STXBP4: variants seen among roughly 807,000 people sequenced by gnomAD.
STXBP4 encodes syntaxin binding protein 4.
Under a neutral mutation model 76.1 loss-of-function variants are expected in STXBP4, and 55 were observed. That is an observed-to-expected ratio of 0.72 (90% CI 0.58 to 0.91). The LOEUF is 0.91. Ranked by LOEUF, STXBP4 falls within the 40% of genes least tolerant of loss-of-function variation. STXBP4 has a pLI of 0.00. For missense variants in STXBP4, 618 were observed against 636.9 expected (o/e 0.97, Z 0.32); for synonymous variants, 201 against 220.2 (o/e 0.91, Z 0.77).
rs147766125 is a variant in STXBP4, at chr17:55,003,050, T to G, written c.574+2167T>G. On this transcript the variant is annotated intron_variant, in intron 7 of 17. Coordinates refer to ENST00000376352, the MANE Select transcript of STXBP4 (RefSeq NM_178509.6). Reference sequence around the variant, plus strand: ...GGAATCTGTCACAATATGCAGAAATTAAGAAAAATTTCTTGGCAAAAGTCA... The same window carrying G: ...GGAATCTGTCACAATATGCAGAAATGAAGAAAAATTTCTTGGCAAAAGTCA... Among the ~76,000 whole-genome samples, 753 of 152,294 alleles carry G rather than the reference T, an allele frequency of 4.9e-3. 6 individuals carry two copies. The highest frequency in any genetic ancestry group is 6.3e-3 in the Non-Finnish European group (431 of 68,018).
In STXBP4 at chr17:55,161,984, A is replaced by G. The variant is rs149294003; in HGVS notation, c.*2073A>G. On this transcript the variant is annotated 3_prime_UTR_variant, in exon 18 of 18. Coordinates refer to ENST00000376352, the MANE Select transcript of STXBP4 (RefSeq NM_178509.6). ...ATTGTCTATGGGTACATTTTATAAA[A>G]AGGCAGATTCTAGTTCAGTGTCATA... The G allele has an allele frequency of 3.9e-5, 6 of 152,320 alleles. No individual in the cohort carries two copies. The highest frequency in any genetic ancestry group is 1.2e-4 in the African/African-American group (5 of 41,576). 9.4% of individuals were successfully genotyped at this position (152,320 alleles called of 1,614,324 possible). A position where few individuals can be genotyped will look rare whatever the true frequency, so the allele number is the denominator to read the frequency against.
chr17:55,125,631 G>A (rs2145104675), intron 16 of STXBP4, among the ~76,000 whole-genome samples: 1 of 152,204 alleles, frequency 6.6e-6, no homozygotes, highest in Admixed American at 6.5e-5. Flanking sequence ...AGGACCCAGG[G>A]CTGGGACTAG....
chr17:55,180,127 G>A, the STXBP4 span, among the ~76,000 whole-genome samples: 1 of 152,118 alleles, frequency 6.6e-6, no homozygotes, highest in Admixed American at 6.5e-5. Context: ...TGAGCTGCAG[G>A]TGCCTCCTCC....
intron 16 of STXBP4, among the ~76,000 whole-genome samples, chr17:55,099,231 C>T (rs2079534467): frequency 6.6e-6 from 1 of 152,122 alleles, no homozygotes; most frequent in African/African-American, 2.4e-5. Context: ...TCTAAATGTA[C>T]ATTTTTTGAC....
At chr17:54,987,289 C>A (rs1189546965) in intron 3 of STXBP4, among the ~76,000 whole-genome samples, 1 of 152,028 alleles carries the variant, frequency 6.6e-6, no homozygotes, top group East Asian at 1.9e-4. Flanking sequence ...TGTTTTTATT[C>A]TTGGTCCTTT....
At chr17:55,046,122 T>G (rs918812166) in intron 11 of STXBP4, among the ~76,000 whole-genome samples, 1 of 152,032 alleles carries the variant, frequency 6.6e-6, no homozygotes, top group Non-Finnish European at 1.5e-5. Context: ...GAATTCACAT[T>G]GCTACTGCTT....
chr17:55,053,428 G>A (rs1365508232), intron 12 of STXBP4, among the ~76,000 whole-genome samples: 1 of 151,924 alleles, frequency 6.6e-6, no homozygotes, highest in African/African-American at 2.4e-5. Context: ...ATAAATATGT[G>A]AGCGAGATTG....
At chr17:55,196,982 T>C in the STXBP4 span, among the ~76,000 whole-genome samples, 19 of 152,222 alleles carry the variant, frequency 1.2e-4, no homozygotes, top group Non-Finnish European at 1.9e-4. Context: ...TTCTCTTTAT[T>C]GATGGTCTTT....
At chr17:55,058,844 T>C (rs1032967650) in intron 12 of STXBP4, among the ~76,000 whole-genome samples, 3 of 152,158 alleles carry the variant, frequency 2.0e-5, no homozygotes, top group African/African-American at 7.2e-5. Flanking sequence ...GTTACAAATG[T>C]TGGACATTTA....
At chr17:55,096,143 G>A (rs2079483441) in intron 16 of STXBP4, among the ~76,000 whole-genome samples, 1 of 151,952 alleles carries the variant, frequency 6.6e-6, no homozygotes, top group Non-Finnish European at 1.5e-5. Flanking sequence ...TGGGGGTTTT[G>A]TGTGTTTGGG....
chr17:55,137,483 T>A (rs778573681), intron 16 of STXBP4, among the ~76,000 whole-genome samples: 2 of 152,232 alleles, frequency 1.3e-5, no homozygotes, highest in Admixed American at 6.5e-5. Context: ...CAATGAACAG[T>A]CTTGTCAATA....
At chr17:55,106,503 A>G (rs945852779) in intron 16 of STXBP4, among the ~76,000 whole-genome samples, 1 of 152,164 alleles carries the variant, frequency 6.6e-6, no homozygotes, top group African/African-American at 2.4e-5. Flanking sequence ...TCTTGTCATT[A>G]TGATGCTAGC....
intron 16 of STXBP4, 22 bp from the exon 17 acceptor site, chr17:55,141,288 T>C (rs1432880190): frequency 6.3e-7 from 1 of 1,595,394 alleles, no homozygotes; most frequent in Non-Finnish European, 8.6e-7. Flanking sequence ...TTAAATATAT[T>C]TTTGGTTTCC....
chr17:55,205,020 A>G, the STXBP4 span, among the ~76,000 whole-genome samples: 1 of 152,144 alleles, frequency 6.6e-6, no homozygotes. Context: ...CTTAGCAGGT[A>G]AGTTTGTCTA....
chr17:55,140,299 C>T (rs576152981), intron 16 of STXBP4, among the ~76,000 whole-genome samples: 2 of 152,192 alleles, frequency 1.3e-5, no homozygotes, highest in South Asian at 4.1e-4. Flanking sequence ...CAGAGAGAAA[C>T]CCTGCCTCTA....
rs762585753 is a variant in STXBP4, at chr17:55,043,246, G to C, written c.866G>C (p.Cys289Ser). The change falls in exon 11 of 18, where the codon TGT (cysteine) becomes TCT (serine). Residue 289 changes from cysteine (C) to serine (S), a missense_variant. Transcript: ENST00000376352. ...TTTTAATGTTGATAGCTTCTTCCTT[G>C]TGATTCTTCAGAAGCAGATGAAATG... ...SNILDSQLLP[C>S]DSSEADEMER... The C allele has an allele frequency of 1.3e-6, 2 of 1,502,206 alleles. No individual in the cohort carries two copies. The highest frequency in any genetic ancestry group is 1.8e-6 in the Non-Finnish European group (2 of 1,125,678). The allele number at this position is 1,502,206 out of a possible 1,614,324, so 93.1% of individuals were successfully genotyped here. A position where few individuals can be genotyped will look rare whatever the true frequency, so the allele number is the denominator to read the frequency against.
chr17:55,102,979 T>C (rs1337268527), intron 16 of STXBP4, among the ~76,000 whole-genome samples: 2 of 152,150 alleles, frequency 1.3e-5, no homozygotes, highest in African/African-American at 4.8e-5. Context: ...GGGTTGTTTG[T>C]TTTTTTCTTG....
downstream of STXBP4, among the ~76,000 whole-genome samples, chr17:55,175,687 G>A (rs2080427598): frequency 6.6e-6 from 1 of 152,188 alleles, no homozygotes; most frequent in Non-Finnish European, 1.5e-5. Flanking sequence ...TAATGTCACT[G>A]GAAACCACTG....
chr17:55,115,192 CAG>C (rs900261071), intron 16 of STXBP4, among the ~76,000 whole-genome samples: 2 of 151,780 alleles, frequency 1.3e-5, no homozygotes, highest in Non-Finnish European at 2.9e-5. Context: ...CTGAAGGAAA[CAG>C]ACCACTGTAG....
Sources: gnomAD v4.1 joint callset for allele counts (sites outside exome capture counted in the v4.1 genomes callset) on GRCh38, gnomAD v4.1.1 for gene constraint, MANE v1.5 for transcripts, NCBI Gene and HGNC (gene_info 2026-07-23, HGNC 2026-07-21) for gene names.